The following MTMR7 variants were observed in gnomAD, a reference collection of about 807,000 sequenced individuals.
The protein encoded by MTMR7 is myotubularin related protein 7.
In MTMR7, 76 loss-of-function variants were observed where a neutral mutation model predicts 81.2. The ratio of observed to expected loss-of-function variants is 0.94; its 90% CI spans 0.78 to 1.13. The LOEUF (loss-of-function observed/expected upper bound fraction) is 1.13, where lower values mean the gene tolerates loss of function less well. Ranked by LOEUF, MTMR7 falls within the 50% of genes most tolerant of loss-of-function variation. The pLI is 0.00. For synonymous variants in MTMR7, 372 were observed against 289.8 expected (o/e 1.28, Z -2.88); for missense variants, 1,044 against 820.0 (o/e 1.27, Z -3.34).
At chr8:17,386,826 G>T (rs184104373) in intron 1 of MTMR7, among the ~76,000 whole-genome samples, 1 of 152,292 alleles carries the variant, frequency 6.6e-6, no homozygotes, top group East Asian at 1.9e-4. Flanking sequence ...TTGGCAGTAC[G>T]CCACACACCA....
intron 1 of MTMR7, among the ~76,000 whole-genome samples, chr8:17,405,448 G>A (rs933832694): frequency 6.6e-6 from 1 of 152,144 alleles, no homozygotes; most frequent in African/African-American, 2.4e-5. Context: ...GCACAGAGCA[G>A]GGCTCTGAGT....
At chr8:17,315,818 C>A (rs1265516451) in intron 7 of MTMR7, among the ~76,000 whole-genome samples, 1 of 152,060 alleles carries the variant, frequency 6.6e-6, no homozygotes. Context: ...TCAAGAACAG[C>A]CTATATAAAG....
At chr8:17,340,444 G>T (rs1385333229) in intron 6 of MTMR7, among the ~76,000 whole-genome samples, 1 of 152,286 alleles carries the variant, frequency 6.6e-6, no homozygotes, top group South Asian at 2.1e-4. Context: ...ACTAAGGGAC[G>T]TTTCATTCTG....
rs1375350043 is a variant in MTMR7, at chr8:17,313,548, G to A, written c.866-147C>T. ...GCCTTAAGTCAAAATAAATACCCAC[G>A]TTTACTAAACTTGATTCTATGGAAC... On this transcript the variant is annotated intron_variant, in intron 7 of 13. Coordinates refer to ENST00000180173, the MANE Select transcript of MTMR7 (RefSeq NM_004686.5). 27 of 546,696 alleles carry A rather than the reference G, an allele frequency of 4.9e-5. No individual in the cohort carries two copies. The South Asian group carries it at 6.4e-4, about 13-fold the overall frequency. 33.9% of individuals were successfully genotyped at this position (546,696 alleles called of 1,614,324 possible). A position where few individuals can be genotyped will look rare whatever the true frequency, so the allele number is the denominator to read the frequency against.
At chr8:17,313,175 C>A in intron 8 of MTMR7, 117 bp downstream of exon 8, 1 of 644,202 alleles carries the variant, frequency 1.6e-6, no homozygotes, top group Non-Finnish European at 2.7e-6. Context: ...ACAAAGCTGG[C>A]TATCCAGTCA....
intron 4 of MTMR7, among the ~76,000 whole-genome samples, chr8:17,356,471 G>A (rs999066057): frequency 2.5e-4 from 38 of 152,172 alleles, no homozygotes; most frequent in African/African-American, 9.2e-4. Flanking sequence ...GGCAGAGGCG[G>A]GCAGATCACT....
At chr8:17,318,623 A>C (rs150156367) in intron 7 of MTMR7, among the ~76,000 whole-genome samples, 9 of 152,260 alleles carry the variant, frequency 5.9e-5, no homozygotes, top group Non-Finnish European at 1.3e-4. Context: ...ATGTCAGCTA[A>C]TTCACAGCCA....
chr8:17,375,892 T>C (rs763187346), intron 1 of MTMR7, among the ~76,000 whole-genome samples: 16 of 152,258 alleles, frequency 1.1e-4, no homozygotes, highest in South Asian at 6.2e-4. Context: ...CTTTGTTGAA[T>C]GACAGCTCTG....
At chr8:17,321,867 A>C (rs370951202) in intron 7 of MTMR7, among the ~76,000 whole-genome samples, 1 of 152,180 alleles carries the variant, frequency 6.6e-6, no homozygotes, top group African/African-American at 2.4e-5. Context: ...GTAAAAAAAT[A>C]AAAAAGCAAA....
At chr8:17,312,738 CAG>C (rs897663034) in intron 8 of MTMR7, among the ~76,000 whole-genome samples, 46 of 152,146 alleles carry the variant, frequency 3.0e-4, no homozygotes, top group Admixed American at 1.8e-3. Flanking sequence ...TACCTCAAAA[CAG>C]GGAACATACC....
chr8:17,362,285 A>T (rs891572028), intron 3 of MTMR7, among the ~76,000 whole-genome samples: 4 of 152,206 alleles, frequency 2.6e-5, no homozygotes, highest in Non-Finnish European at 4.4e-5. Context: ...GAAATTTCAC[A>T]TGTATTTGGC....
chr8:17,363,895 G>C (rs937727961), intron 3 of MTMR7, among the ~76,000 whole-genome samples: 1 of 146,850 alleles, frequency 6.8e-6, no homozygotes, highest in Non-Finnish European at 1.5e-5. Flanking sequence ...AATTAGCTGG[G>C]AGGCAAGCTT....
rs373368777 is a variant in MTMR7, at chr8:17,371,097, T to A, written c.250A>T (p.Ile84Leu). Residue 84 changes from isoleucine to leucine, a missense_variant, in exon 3 of 14, where the codon ATA becomes TTA. Ile to Leu is a conservative substitution (Grantham distance 5). Coordinates refer to ENST00000180173, the MANE Select transcript of MTMR7 (RefSeq NM_004686.5). ...CKNFQIIQLI[I>L]PQERDCHDVY... ...TCGTGGCAATCTCTTTCCTGAGGTA[T>A]GATGAGCTGTATTATCTGAAAGTTC... 192 of 1,614,106 alleles carry A rather than the reference T, an allele frequency of 1.2e-4. 1 individual carries two copies. In the Middle Eastern group the frequency reaches 1.5e-3, roughly 12 times the overall value.
At chr8:17,404,901 C>A (rs573247767) in intron 1 of MTMR7, among the ~76,000 whole-genome samples, 1 of 152,342 alleles carries the variant, frequency 6.6e-6, no homozygotes, top group African/African-American at 2.4e-5. Flanking sequence ...TCTCAGCTCA[C>A]TGCAACCTCT....
chr8:17,407,518 A>G (rs1359851812), intron 1 of MTMR7, among the ~76,000 whole-genome samples: 1 of 151,906 alleles, frequency 6.6e-6, no homozygotes, highest in Non-Finnish European at 1.5e-5. Flanking sequence ...CATGCAGATA[A>G]TAATGAGATG....
chr8:17,359,690 C>T (rs976130195), intron 4 of MTMR7, among the ~76,000 whole-genome samples: 3 of 149,000 alleles, frequency 2.0e-5, no homozygotes, highest in Non-Finnish European at 3.0e-5. Flanking sequence ...AGATAAAATA[C>T]AAATGGTCAA....
intron 7 of MTMR7, among the ~76,000 whole-genome samples, chr8:17,318,284 A>G (rs1818203685): frequency 6.6e-6 from 1 of 152,162 alleles, no homozygotes; most frequent in Non-Finnish European, 1.5e-5. Flanking sequence ...CAGCAGACGT[A>G]CACCAAATGC....
chr8:17,337,275 G>A (rs4921755), intron 6 of MTMR7, among the ~76,000 whole-genome samples: 9,998 of 150,208 alleles, frequency 0.067, 683 homozygotes, highest in East Asian at 0.31. Flanking sequence ...TGAGGCAGGA[G>A]AATCACTTGA....
chr8:17,356,780 T>C (rs998576388), intron 4 of MTMR7, among the ~76,000 whole-genome samples: 2 of 152,090 alleles, frequency 1.3e-5, no homozygotes, highest in Non-Finnish European at 2.9e-5. Flanking sequence ...ACAGAATAAA[T>C]TCTCAGAAGT....
Sources: gnomAD v4.1 joint callset for allele counts (sites outside exome capture counted in the v4.1 genomes callset) on GRCh38, gnomAD v4.1.1 for gene constraint, MANE v1.5 for transcripts, NCBI Gene and HGNC (gene_info 2026-07-23, HGNC 2026-07-21) for gene names.